IQCE: variants seen among roughly 807,000 people sequenced by gnomAD.
IQCE encodes the protein IQ domain-containing protein E.
In IQCE, 115 loss-of-function variants were observed where a neutral mutation model predicts 96.0. The ratio of observed to expected loss-of-function variants is 1.20; its 90% confidence interval spans 1.03 to 1.40. IQCE has a LOEUF of 1.40. IQCE is among the 40% of genes most tolerant of loss of function. IQCE has a pLI of 0.00. For missense variants in IQCE, 1,041 were observed against 909.1 expected, an observed-to-expected ratio of 1.15 and a Z score of -1.87; for synonymous variants, 412 against 371.2, an observed-to-expected ratio of 1.11 and a Z score of -1.26.
intron 20 of IQCE, among the ~76,000 whole-genome samples, chr7:2,606,873 C>T (rs898874723): frequency 1.3e-5 from 2 of 152,176 alleles, no homozygotes; most frequent in Non-Finnish European, 2.9e-5. Context: ...CTTATAAAAC[C>T]ATGCCGGCCT....
At chr7:2,561,523 G>C (rs1194756422) in intron 1 of IQCE, among the ~76,000 whole-genome samples, 1 of 151,144 alleles carries the variant, frequency 6.6e-6, no homozygotes, top group Non-Finnish European at 1.5e-5. Flanking sequence ...CGGGTTCATA[G>C]CATTCTCCTG....
chr7:2,559,396 C>T (rs1184088996), intron 1 of IQCE, 179 bp downstream of exon 1: 1 of 319,680 alleles, frequency 3.1e-6, no homozygotes, highest in Non-Finnish European at 5.5e-6. Flanking sequence ...GGCCCCGCGC[C>T]GCCTGCAGCC....
At chr7:2,574,089 C>T (rs1583413348) in intron 6 of IQCE, among the ~76,000 whole-genome samples, 2 of 152,238 alleles carry the variant, frequency 1.3e-5, no homozygotes, top group African/African-American at 4.8e-5. Flanking sequence ...CTGCATTGAG[C>T]TGTATCGTCA....
At chr7:2,592,903 C>T (rs1230606548) in intron 14 of IQCE, 119 bp from the exon 15 acceptor site, 1 of 1,090,886 alleles carries the variant, frequency 9.2e-7, no homozygotes, top group Admixed American at 2.3e-5. Flanking sequence ...GCTCCTCCTG[C>T]CCCACCATCC....
At chr7:2,606,542 A>T (rs1344914577) in intron 20 of IQCE, among the ~76,000 whole-genome samples, 1 of 151,858 alleles carries the variant, frequency 6.6e-6, no homozygotes, top group Non-Finnish European at 1.5e-5. Context: ...CCGCTCCGTC[A>T]CCCCCGTCTG....
At chr7:2,593,585 C>T (rs747850847) in intron 15 of IQCE, among the ~76,000 whole-genome samples, 8 of 152,274 alleles carry the variant, frequency 5.3e-5, no homozygotes, top group Non-Finnish European at 8.8e-5. Context: ...CTGACCGGCC[C>T]GGCCCGGGGA....
chr7:2,586,322 G>A lies in IQCE; in HGVS notation c.939G>A (p.Glu313=), dbSNP rs762167587. ...ELTEENQSLK[E]DLDRVLSTSP... ...CGGAAGAGAACCAGAGCCTGAAGGA[G>A]GACCTGGACCGCGTGCTGAGCACCT... The change falls in exon 12 of 22, where the codon GAG becomes GAA. Residue 313 remains glutamate, a synonymous_variant. Coordinates refer to ENST00000402050, the MANE Select transcript of IQCE (RefSeq NM_152558.5). 2 of 1,613,784 alleles carry A rather than the reference G, an allele frequency of 1.2e-6. No individual in the cohort carries two copies. The highest frequency in any genetic ancestry group is 1.3e-5 in the African/African-American group (1 of 74,914).
At chr7:2,578,791 T>G (rs1289567673) in intron 8 of IQCE, among the ~76,000 whole-genome samples, 1 of 152,040 alleles carries the variant, frequency 6.6e-6, no homozygotes, top group Non-Finnish European at 1.5e-5. Flanking sequence ...GAAAATACAT[T>G]AAGCTTAACA....
At chr7:2,560,702 A>C (rs1780883567) in intron 1 of IQCE, among the ~76,000 whole-genome samples, 1 of 152,006 alleles carries the variant, frequency 6.6e-6, no homozygotes, top group Admixed American at 6.5e-5. Context: ...TCATGCCTGT[A>C]ATCCCAGCAC....
chr7:2,583,597 C>T (rs527511108), intron 9 of IQCE, 40 bp from the exon 10 acceptor site: 63 of 1,493,832 alleles, frequency 4.2e-5, no homozygotes, highest in Non-Finnish European at 5.2e-5. Context: ...CCCCTGGGAA[C>T]GCTGGCACAT....
chr7:2,607,244 G>A lies in IQCE; in HGVS notation c.1969+17G>A, dbSNP rs1784904339. 2 of 1,613,372 alleles carry A rather than the reference G, an allele frequency of 1.2e-6. No individual in the cohort carries two copies. The highest frequency in any genetic ancestry group is 2.7e-5 in the African/African-American group (2 of 74,840). On this transcript the variant is annotated intron_variant, in intron 21 of 21. Transcript: ENST00000402050. ...CTCTTCCTGGTAATTTCATTCATTTGGATTCTGGCACCAGGGCAGCTGGTC... is the reference window on the plus strand; with the variant it reads ...CTCTTCCTGGTAATTTCATTCATTTAGATTCTGGCACCAGGGCAGCTGGTC...
rs1256318601 is a variant in IQCE at position 2,610,701 on chromosome 7, C to T, written c.*539C>T. The T allele has an allele frequency of 1.3e-5, 2 of 155,686 alleles. No homozygotes were observed. The highest frequency in any genetic ancestry group is 4.8e-5 in the African/African-American group (2 of 41,444). 9.6% of individuals were successfully genotyped at this position (155,686 alleles called of 1,614,324 possible). On this transcript the variant is annotated 3_prime_UTR_variant, in exon 22 of 22. Coordinates refer to ENST00000402050, the MANE Select transcript of IQCE (RefSeq NM_152558.5). ...CGGCCTGTCCCAAGCCAGTGAGGAG[C>T]TAAAGACACCCAGGTCCCCAAATGA...
intron 15 of IQCE, among the ~76,000 whole-genome samples, chr7:2,594,033 G>A (rs572058090): frequency 3.9e-5 from 6 of 151,994 alleles, no homozygotes; most frequent in Non-Finnish European, 7.4e-5. Context: ...AGGCCGAGGC[G>A]GGCAGATCGT....
chr7:2,584,394 T>TG, intron 11 of IQCE, 109 bp downstream of exon 11: 1 of 998,576 alleles, frequency 1.0e-6, no homozygotes, highest in South Asian at 1.3e-5. Context: ...GCCCTTAGCT[T>TG]GGCAGTGCTG....
At chr7:2,606,399 C>T (rs989054386) in intron 20 of IQCE, among the ~76,000 whole-genome samples, 6 of 151,952 alleles carry the variant, frequency 3.9e-5, no homozygotes, top group Admixed American at 2.6e-4. Flanking sequence ...TGACAGGCGA[C>T]GCGTGCAGGG....
intron 12 of IQCE, among the ~76,000 whole-genome samples, chr7:2,587,354 A>AG (rs1214757959): frequency 6.7e-6 from 1 of 149,924 alleles, no homozygotes; most frequent in Non-Finnish European, 1.5e-5. Context: ...GGATCGAGTG[A>AG]GGTCACCTGG....
At chr7:2,587,678 G>A in intron 12 of IQCE, 144 bp from the exon 13 acceptor site, 1 of 771,172 alleles carries the variant, frequency 1.3e-6, no homozygotes, top group South Asian at 1.6e-5. Flanking sequence ...AAATTCTCTG[G>A]TAGCCAGGAC....
At chr7:2,581,795 C>T (rs1039406204) in intron 8 of IQCE, among the ~76,000 whole-genome samples, 7 of 151,628 alleles carry the variant, frequency 4.6e-5, no homozygotes, top group Admixed American at 2.6e-4. Flanking sequence ...CTGCAAGCTC[C>T]GCTTCCCGGG....
At chr7:2,588,111 A>G (rs995931930) in intron 13 of IQCE, among the ~76,000 whole-genome samples, 7 of 152,182 alleles carry the variant, frequency 4.6e-5, no homozygotes, top group African/African-American at 7.2e-5. Context: ...CGCGCTTCGC[A>G]CTGGAGCCCC....
Sources: gnomAD v4.1 joint callset for allele counts (sites outside exome capture counted in the v4.1 genomes callset) on GRCh38, gnomAD v4.1.1 for gene constraint, MANE v1.5 for transcripts, NCBI Gene and HGNC (gene_info 2026-07-23, HGNC 2026-07-21) for gene names.